The following KCNN2 variants were observed in gnomAD, a reference collection of about 807,000 sequenced individuals.
KCNN2 encodes small conductance calcium-activated potassium channel protein 2.
A neutral mutation model predicts 55.5 loss-of-function variants in KCNN2; 24 were observed. The observed-to-expected ratio is 0.43, with a 90% confidence interval of 0.31 to 0.61. The LOEUF (loss-of-function observed/expected upper bound fraction) is 0.61. Ranked by LOEUF, KCNN2 falls within the 20% of genes least tolerant of loss-of-function variation. The pLI, the probability that KCNN2 is intolerant of heterozygous loss-of-function variation, is 0.08. For missense variants in KCNN2, 754 were observed against 853.6 expected (o/e 0.88, Z 1.45); for synonymous variants, 431 against 336.1 (o/e 1.28, Z -3.09).
chr5:114,443,525 A>T (rs1055121746), intron 3 of KCNN2, among the ~76,000 whole-genome samples: 5 of 152,240 alleles, frequency 3.3e-5, no homozygotes, highest in Admixed American at 3.3e-4. Context: ...CACAGTCTAA[A>T]TCAGATTGAA....
intron 1 of KCNN2, chr5:114,056,536 A>G (rs1750212743): frequency 2.5e-6 from 1 of 397,680 alleles, no homozygotes; most frequent in East Asian, 3.6e-5. Context: ...GACTAGGGCC[A>G]CAGATTTAAT....
chr5:114,232,204 C>T (rs761557828), intron 2 of KCNN2, among the ~76,000 whole-genome samples: 4 of 150,368 alleles, frequency 2.7e-5, no homozygotes, highest in East Asian at 1.9e-4. Context: ...AGGCAAGAGG[C>T]GTCATTGAAT....
rs751242768 is a variant in KCNN2 at position 114,363,028 on chromosome 5, G to A, written c.889G>A (p.Gly297Ser). 9 of 1,602,992 alleles carry A rather than the reference G, an allele frequency of 5.6e-6. No homozygotes were observed. Among genetic ancestry groups the A allele is most frequent in the Non-Finnish European group, 6.8e-6 (8 of 1,176,928 alleles). The change falls in exon 1 of 8, where the codon GGC becomes AGC. Residue 297 changes from glycine (G) to serine (S), a missense_variant. Coordinates refer to ENST00000673685, the MANE Select transcript of KCNN2 (RefSeq NM_021614.4). ...CAACAACCTGGCGCTCTATGGAACCGGCGGCGGAGGCAGCACTGGAGGAGG... is the reference window on the plus strand; with the variant it reads ...CAACAACCTGGCGCTCTATGGAACCAGCGGCGGAGGCAGCACTGGAGGAGG... ...NSNNLALYGT[G>S]GGGSTGGGGG...
chr5:114,410,278 T>G (rs1294865699), intron 3 of KCNN2, among the ~76,000 whole-genome samples: 1 of 152,190 alleles, frequency 6.6e-6, no homozygotes, highest in Admixed American at 6.5e-5. Context: ...AAAGATAGCG[T>G]ACGTAGGCAG....
intron 1 of KCNN2, among the ~76,000 whole-genome samples, chr5:114,109,845 C>T (rs552583653): frequency 1.3e-5 from 2 of 152,166 alleles, no homozygotes; most frequent in Admixed American, 6.5e-5. Flanking sequence ...GGTAGTGTTC[C>T]AGTTCCTGGG....
chr5:114,387,701 C>T (rs1284878204), intron 2 of KCNN2, among the ~76,000 whole-genome samples: 2 of 152,070 alleles, frequency 1.3e-5, no homozygotes, highest in Non-Finnish European at 2.9e-5. Context: ...TCCAATAGAG[C>T]CTCTTTGTTG....
At chr5:114,233,384 T>C (rs1397304373) in intron 2 of KCNN2, among the ~76,000 whole-genome samples, 1 of 152,190 alleles carries the variant, frequency 6.6e-6, no homozygotes, top group African/African-American at 2.4e-5. Context: ...TATATTAACA[T>C]ACAAATAACA....
chr5:114,476,091 G>A (rs1312504194), intron 5 of KCNN2, among the ~76,000 whole-genome samples: 1 of 151,436 alleles, frequency 6.6e-6, no homozygotes, highest in Non-Finnish European at 1.5e-5. Context: ...CATTGTGCAG[G>A]TTAGTTACAT....
chr5:114,471,180 G>A (rs1346120566), intron 4 of KCNN2, among the ~76,000 whole-genome samples: 1 of 152,072 alleles, frequency 6.6e-6, no homozygotes, highest in Admixed American at 6.6e-5. Context: ...TCATCCCTTA[G>A]TATCCATGGG....
At chr5:114,470,471 G>A (rs892408158) in intron 4 of KCNN2, among the ~76,000 whole-genome samples, 2 of 152,090 alleles carry the variant, frequency 1.3e-5, no homozygotes, top group African/African-American at 4.8e-5. Context: ...ATACCATACA[G>A]CAGGTAGCTT....
At chr5:114,151,951 C>T (rs1041651151) in intron 1 of KCNN2, among the ~76,000 whole-genome samples, 16 of 152,126 alleles carry the variant, frequency 1.1e-4, no homozygotes, top group Admixed American at 9.8e-4. Flanking sequence ...TTAAACTGTT[C>T]CTGTTCTTAG....
chr5:114,364,126 G>C lies in KCNN2; in HGVS notation c.1218+125G>C, dbSNP rs181558689. 3.2e-4 allele frequency: 219 copies of C among 690,436 alleles called. 1 individual carries two copies. The highest frequency in any genetic ancestry group is 4.1e-5 in the Non-Finnish European group (16 of 391,372). The allele number at this position is 690,436 out of a possible 1,614,324, so 42.8% of individuals were successfully genotyped here. On this transcript the variant is annotated intron_variant, in intron 2 of 7. Transcript: ENST00000673685. ...CTTGAGGTTACAGAAGACACATGCT[G>C]TATTGTTACCGTTAGCACCTGACCT...
chr5:114,068,890 T>A (rs1750506849), intron 1 of KCNN2, among the ~76,000 whole-genome samples: 1 of 152,098 alleles, frequency 6.6e-6, no homozygotes. Flanking sequence ...CTCAGCTCAC[T>A]GGAACCTCCA....
At chr5:114,111,187 C>A (rs145192592) in intron 1 of KCNN2, among the ~76,000 whole-genome samples, 2,554 of 152,214 alleles carry the variant, frequency 0.017, 43 homozygotes, top group Middle Eastern at 0.061. Flanking sequence ...ACGTCTACAA[C>A]CATCTGATCT....
chr5:114,287,107 C>G (rs1328902603), intron 2 of KCNN2, among the ~76,000 whole-genome samples: 2 of 152,160 alleles, frequency 1.3e-5, no homozygotes, highest in Non-Finnish European at 2.9e-5. Flanking sequence ...GGACAGAACC[C>G]TGGAGAATAC....
intron 3 of KCNN2, among the ~76,000 whole-genome samples, chr5:114,439,199 A>G (rs544771726): frequency 6.6e-6 from 1 of 152,224 alleles, no homozygotes; most frequent in Non-Finnish European, 1.5e-5. Context: ...ATATGTATGA[A>G]AACATATCAG....
chr5:114,483,721 G>C (rs1442275076), intron 5 of KCNN2, among the ~76,000 whole-genome samples: 2 of 151,216 alleles, frequency 1.3e-5, no homozygotes, highest in African/African-American at 4.9e-5. Context: ...AACTGTGTGT[G>C]TGTGTGTGTG....
At chr5:114,110,673 T>C (rs1231647070) in intron 1 of KCNN2, among the ~76,000 whole-genome samples, 1 of 152,112 alleles carries the variant, frequency 6.6e-6, no homozygotes, top group Non-Finnish European at 1.5e-5. Context: ...TATTTTAAGC[T>C]TCTTTCTAAT....
At chr5:114,129,609 T>C (rs994903075) in intron 1 of KCNN2, among the ~76,000 whole-genome samples, 1 of 152,212 alleles carries the variant, frequency 6.6e-6, no homozygotes, top group Non-Finnish European at 1.5e-5. Context: ...TGGTGTTCTG[T>C]GTACCCATCT....
Sources: gnomAD v4.1 joint callset for allele counts (sites outside exome capture counted in the v4.1 genomes callset) on GRCh38, gnomAD v4.1.1 for gene constraint, MANE v1.5 for transcripts, NCBI Gene and HGNC (gene_info 2026-07-23, HGNC 2026-07-21) for gene names.